Variants in KCNK12 observed in about 807,000 individuals in gnomAD.
KCNK12 encodes potassium two pore domain channel subfamily K member 12, also known as potassium channel subfamily K member 12.
Under a neutral mutation model 25.3 loss-of-function variants are expected in KCNK12, and 6 were observed. The ratio of observed to expected loss-of-function variants is 0.24; its 90% CI spans 0.13 to 0.47. The LOEUF is 0.47. Ranked by LOEUF, KCNK12 falls within the 20% of genes least tolerant of loss-of-function variation. The pLI is 0.99. For synonymous variants in KCNK12, 331 were observed against 311.1 expected, an observed-to-expected ratio of 1.06 and a Z score of -0.67; for missense variants, 444 against 661.7, an observed-to-expected ratio of 0.67 and a Z score of 3.61.
chr2:47,563,335 T>C (rs1024964507), intron 1 of KCNK12: 3 of 233,470 alleles, frequency 1.3e-5, no homozygotes, highest in Non-Finnish European at 2.5e-5. Flanking sequence ...TCTACTTGTC[T>C]ATGTGAGCAG....
chr2:47,570,347 C>T lies in KCNK12; in HGVS notation c.-16G>A. The T allele has an allele frequency of 1.6e-6, 2 of 1,233,424 alleles. No homozygotes were observed. The highest frequency in any genetic ancestry group is 3.4e-5 in the East Asian group (1 of 29,682). The allele number at this position is 1,233,424 out of a possible 1,614,324, so 76.4% of individuals were successfully genotyped here. The stretch of plus-strand genomic sequence containing the variant: ...GGGAGGACATGGTCCGGAGCTCAGC[C>T]CCGGGGCCGGGGCGGCGCTCGGGGC... On this transcript the variant is annotated 5_prime_UTR_variant, in exon 1 of 2. Transcript: ENST00000327876.
chr2:47,521,219 C>A lies in KCNK12; in HGVS notation c.981G>T (p.Ala327=), dbSNP rs1350031246. The A allele has an allele frequency of 1.3e-6, 2 of 1,579,726 alleles. No individual in the cohort carries two copies. Among genetic ancestry groups the A allele is most frequent in the Non-Finnish European group, 1.7e-6 (2 of 1,163,612 alleles). ...TGATGGCATTGCGCCGGGCCAGGGGCGCGCCAGGAGCCGGGCAGCAGCGCG... is the reference window on the plus strand; with the variant it reads ...TGATGGCATTGCGCCGGGCCAGGGGAGCGCCAGGAGCCGGGCAGCAGCGCG... ...CCARCCPAPG[A]PLARRNAITP... Residue 327 remains alanine (A), a synonymous_variant, in exon 2 of 2, where the codon GCG becomes GCT. Coordinates refer to ENST00000327876, the MANE Select transcript of KCNK12 (RefSeq NM_022055.2).
At chr2:47,558,987 C>T (rs1669606646) in intron 1 of KCNK12, among the ~76,000 whole-genome samples, 3 of 152,218 alleles carry the variant, frequency 2.0e-5, no homozygotes, top group Non-Finnish European at 4.4e-5. Flanking sequence ...TTGAGCAGGG[C>T]CTCTTTATGG....
intron 1 of KCNK12, among the ~76,000 whole-genome samples, chr2:47,550,036 T>C (rs1468734022): frequency 2.0e-5 from 3 of 151,408 alleles, no homozygotes; most frequent in Non-Finnish European, 2.9e-5. Flanking sequence ...CTTGAAGACA[T>C]AGCAATAGAA....
chr2:47,541,088 A>G (rs540888390), intron 1 of KCNK12, among the ~76,000 whole-genome samples: 2 of 152,268 alleles, frequency 1.3e-5, no homozygotes, highest in East Asian at 3.9e-4. Context: ...GAGTGTTCCA[A>G]TGGGAAGTGC....
rs1669555440 is a variant in KCNK12, at chr2:47,556,609, T to A, written c.391+13332A>T. On this transcript the variant is annotated intron_variant, in intron 1 of 1. Transcript: ENST00000327876. The surrounding 1 kb of genome is among the most constrained non-coding windows in gnomAD (Gnocchi z 4.8). ...CCATATTCAGCTGCTTGAGGGCAGA[T>A]GAAGAATACGTGGGAAGTTGGTATT... 6.6e-6 allele frequency among the ~76,000 whole-genome samples: 1 copy of A among 152,030 alleles called. No homozygotes were observed. The highest frequency in any genetic ancestry group is 1.5e-5 in the Non-Finnish European group (1 of 68,024).
At chr2:47,552,497 G>C (rs1669458534) in intron 1 of KCNK12, among the ~76,000 whole-genome samples, 2 of 152,210 alleles carry the variant, frequency 1.3e-5, no homozygotes, top group South Asian at 4.1e-4. Flanking sequence ...GTAGAGCCTG[G>C]CGGCTCATGC....
rs1198673945 is a variant in KCNK12, at chr2:47,510,658, C to T, written c.*10249G>A. 6.6e-6 allele frequency among the ~76,000 whole-genome samples: 1 copy of T among 152,146 alleles called. No homozygotes were observed. The highest frequency in any genetic ancestry group is 1.5e-5 in the Non-Finnish European group (1 of 68,022). Reference sequence around the variant, plus strand: ...ATCTCTATTCAGTGGAACACAGCAGCACTGTGACCTGCCCACGAGAAGAAG... The same window carrying T: ...ATCTCTATTCAGTGGAACACAGCAGTACTGTGACCTGCCCACGAGAAGAAG... On this transcript the variant is annotated 3_prime_UTR_variant, in exon 2 of 2. Transcript: ENST00000327876.
At chr2:47,542,904 G>A (rs1431029563) in intron 1 of KCNK12, among the ~76,000 whole-genome samples, 2 of 152,224 alleles carry the variant, frequency 1.3e-5, no homozygotes, top group African/African-American at 4.8e-5. Flanking sequence ...ATTGGCTTGA[G>A]AATGAGTTCT....
intron 1 of KCNK12, chr2:47,563,571 C>A: frequency 4.3e-6 from 1 of 233,050 alleles, no homozygotes. Flanking sequence ...GGTAAATTCA[C>A]CCGCTTTGGG....
Position 47,565,293 on chromosome 2 carries a change from A to C in KCNK12, c.391+4648T>G, listed in dbSNP as rs1273601576. 1 of 152,270 alleles carries C rather than the reference A, an allele frequency of 6.6e-6. No individual in the cohort carries two copies. The highest frequency in any genetic ancestry group is 1.5e-5 in the Non-Finnish European group (1 of 68,042). The allele number at this position is 152,270 out of a possible 1,614,324, so 9.4% of individuals were successfully genotyped here. On this transcript the variant is annotated intron_variant, in intron 1 of 1. Transcript: ENST00000327876. The surrounding 1 kb of genome is among the most constrained non-coding windows in gnomAD (Gnocchi z 5.0). ...TTACATACATGTTAGAAGAAAGTTG[A>C]ATGTAAATGTGGTAGTGACATTTTG...
intron 1 of KCNK12, among the ~76,000 whole-genome samples, chr2:47,550,345 A>C (rs1446495083): frequency 6.6e-6 from 1 of 151,498 alleles, no homozygotes; most frequent in Non-Finnish European, 1.5e-5. Context: ...AAGGAGGCAC[A>C]ATTACTTACA....
rs1248685355 is a variant in KCNK12, at chr2:47,551,385, G to A, written c.391+18556C>T. On this transcript the variant is annotated intron_variant, in intron 1 of 1. Transcript: ENST00000327876. The surrounding 1 kb of genome is among the most constrained non-coding windows in gnomAD (Gnocchi z 5.3). The stretch of plus-strand genomic sequence containing the variant: ...ACTTCCATCACTTTATTCTTACCCT[G>A]GTTTTGTTCTTTTTGCAGCATTTAC... Among the ~76,000 whole-genome samples, 1 of 151,958 alleles carries A rather than the reference G, an allele frequency of 6.6e-6. No individual in the cohort carries two copies. The highest frequency in any genetic ancestry group is 2.4e-5 in the African/African-American group (1 of 41,334).
Position 47,520,849 on chromosome 2 carries a change from A to C in KCNK12, c.*58T>G. The C allele has an allele frequency of 8.6e-7, 1 of 1,161,722 alleles. No homozygotes were observed. The highest frequency in any genetic ancestry group is 3.1e-4 in the Middle Eastern group (1 of 3,182). 72.0% of individuals were successfully genotyped at this position (1,161,722 alleles called of 1,614,324 possible). A position where few individuals can be genotyped will look rare whatever the true frequency, so the allele number is the denominator to read the frequency against. The stretch of plus-strand genomic sequence containing the variant: ...CGCCAGCAGTGACTGAGAGAAGCAA[A>C]CCACGCCCGGCGGCCCCGCGGCCTG... On this transcript the variant is annotated 3_prime_UTR_variant, in exon 2 of 2. Transcript: ENST00000327876. The surrounding 1 kb of genome is among the most constrained non-coding windows in gnomAD (Gnocchi z 5.0).
In KCNK12 at chr2:47,533,660, G is replaced by A. The variant is rs541932071; in HGVS notation, c.392-11852C>T. ...GGCCCCTACGCTGGGTAGGAGGCCC[G>A]GCTAGAGGTTAGGCACCATCTTTTC... On this transcript the variant is annotated intron_variant, in intron 1 of 1. Coordinates refer to ENST00000327876, the MANE Select transcript of KCNK12 (RefSeq NM_022055.2). This position sits in a 1 kb window ranked among gnomAD's most constrained non-coding sequence, Gnocchi z 4.7. Among the ~76,000 whole-genome samples the A allele has an allele frequency of 7.2e-5, 11 of 152,324 alleles. No individual in the cohort carries two copies. The East Asian group carries it at 1.4e-3, about 19-fold the overall frequency.
chr2:47,553,942 T>C (rs929689983), intron 1 of KCNK12, among the ~76,000 whole-genome samples: 1 of 152,214 alleles, frequency 6.6e-6, no homozygotes, highest in East Asian at 1.9e-4. Context: ...GCTCAGGGTT[T>C]AGCTTTGCCA....
rs1669570236 is a variant in KCNK12 at position 47,557,320 on chromosome 2, GC to G, written c.391+12620del. Among the ~76,000 whole-genome samples the G allele has an allele frequency of 6.6e-6, 1 of 152,192 alleles. No individual in the cohort carries two copies. Among genetic ancestry groups the G allele is most frequent in the Non-Finnish European group, 1.5e-5 (1 of 68,046 alleles). Reference sequence around the variant, plus strand: ...GATGAGTTTGGGCTGATTCTGTCCTGCACTTGCTCACCATGTGATGCCTTCC... The same window carrying G: ...GATGAGTTTGGGCTGATTCTGTCCTGACTTGCTCACCATGTGATGCCTTCC... On this transcript the variant is annotated intron_variant, in intron 1 of 1. Coordinates refer to ENST00000327876, the MANE Select transcript of KCNK12 (RefSeq NM_022055.2). The surrounding 1 kb of genome is among the most constrained non-coding windows in gnomAD (Gnocchi z 4.9).
intron 1 of KCNK12, among the ~76,000 whole-genome samples, chr2:47,567,803 G>A (rs1196298477): frequency 2.0e-5 from 3 of 152,260 alleles, no homozygotes; most frequent in Non-Finnish European, 4.4e-5. Flanking sequence ...CTGAAAACAC[G>A]AATCAAGAAA....
Position 47,562,703 on chromosome 2 carries a change from C to T in KCNK12, c.391+7238G>A, listed in dbSNP as rs1006885944. 2 of 233,268 alleles carry T rather than the reference C, an allele frequency of 8.6e-6. No homozygotes were observed. The highest frequency in any genetic ancestry group is 6.0e-5 in the East Asian group (1 of 16,584). The allele number at this position is 233,268 out of a possible 1,614,324, so 14.4% of individuals were successfully genotyped here. A position where few individuals can be genotyped will look rare whatever the true frequency, so the allele number is the denominator to read the frequency against. On this transcript the variant is annotated intron_variant, in intron 1 of 1. Transcript: ENST00000327876. The surrounding 1 kb of genome is among the most constrained non-coding windows in gnomAD (Gnocchi z 4.8). Reference sequence around the variant, plus strand: ...GCCAAGGGGCTTCAGTACCCTTCTTCATTCTCTACCAGCACCTCCCCAACC... The same window carrying T: ...GCCAAGGGGCTTCAGTACCCTTCTTTATTCTCTACCAGCACCTCCCCAACC...
Sources: gnomAD v4.1 joint callset for allele counts (sites outside exome capture counted in the v4.1 genomes callset) on GRCh38, gnomAD v4.1.1 for gene constraint, Gnocchi (gnomAD v3.1) non-coding constraint, MANE v1.5 for transcripts, NCBI Gene and HGNC (gene_info 2026-07-23, HGNC 2026-07-21) for gene names.